The following ACYP2 variants were observed in gnomAD, a reference collection of about 807,000 sequenced individuals.
ACYP2 encodes the protein acylphosphatase-2.
In ACYP2, 12 loss-of-function variants were observed where a neutral mutation model predicts 11.2. The observed-to-expected ratio is 1.08, with a 90% confidence interval of 0.69 to 1.74. ACYP2 has a LOEUF of 1.74. Among genes scored for constraint, ACYP2 ranks in the 40% most tolerant of loss-of-function variants. The probability of loss-of-function intolerance (pLI) is 0.00; values close to 1 mark genes in which losing one functional copy is unlikely to be tolerated. For missense variants in ACYP2, 134 were observed against 101.9 expected (o/e 1.31, Z -1.35); for synonymous variants, 43 against 32.2 (o/e 1.33, Z -1.13).
intron 2 of ACYP2, among the ~76,000 whole-genome samples, chr2:53,983,442 G>C (rs1420711269): frequency 6.6e-6 from 1 of 152,146 alleles, no homozygotes; most frequent in Non-Finnish European, 1.5e-5. Flanking sequence ...GGAGATTGAG[G>C]CTGCAGCGAG....
intron 2 of ACYP2, among the ~76,000 whole-genome samples, chr2:54,014,157 G>A (rs987993590): frequency 1.1e-4 from 16 of 151,046 alleles, no homozygotes; most frequent in African/African-American, 1.9e-4. Context: ...AAAAAACTCC[G>A]TCTGAAAAAA....
chr2:54,221,816 C>A (rs950526837), intron 6 of ACYP2, among the ~76,000 whole-genome samples: 3 of 152,216 alleles, frequency 2.0e-5, no homozygotes, highest in Middle Eastern at 3.4e-3. Flanking sequence ...GCCACCACAC[C>A]CCGCCAGAAT....
intron 6 of ACYP2, among the ~76,000 whole-genome samples, chr2:54,198,812 T>C (rs1180580151): frequency 6.6e-6 from 1 of 152,174 alleles, no homozygotes; most frequent in Non-Finnish European, 1.5e-5. Flanking sequence ...AGTTCATACA[T>C]GCATATGTAC....
chr2:54,129,253 G>A (rs180922981), intron 4 of ACYP2, among the ~76,000 whole-genome samples: 68 of 152,116 alleles, frequency 4.5e-4, no homozygotes, highest in Non-Finnish European at 8.4e-4. Context: ...TGATTTTCAG[G>A]ATTTTAATCA....
At chr2:54,261,939 T>C (rs1173649896) in intron 6 of ACYP2, among the ~76,000 whole-genome samples, 1 of 152,248 alleles carries the variant, frequency 6.6e-6, no homozygotes, top group Non-Finnish European at 1.5e-5. Context: ...TGCAGTCGTC[T>C]TTATTGTATA....
intron 2 of ACYP2, among the ~76,000 whole-genome samples, chr2:54,045,339 C>G (rs1345940096): frequency 6.6e-6 from 1 of 152,204 alleles, no homozygotes. Flanking sequence ...CACCCTGCAA[C>G]CATTAAATTC....
In ACYP2 at chr2:54,142,216, C is replaced by G. The variant is rs562521394; in HGVS notation, c.404+3468C>G. ...AAAAATTGTGAAGATAGTACAGAGA[C>G]TTTCCATATACTCCCCACACAGTTT... On this transcript the variant is annotated intron_variant, in intron 6 of 6. Transcript: ENST00000607452. 3.5e-4 allele frequency: 99 copies of G among 282,036 alleles called. 1 individual carries two copies. Among genetic ancestry groups the G allele is most frequent in the African/African-American group, 1.9e-3 (89 of 46,168 alleles). 17.5% of individuals were successfully genotyped at this position (282,036 alleles called of 1,614,324 possible).
intron 1 of ACYP2, among the ~76,000 whole-genome samples, chr2:53,972,725 G>C (rs1052017889): frequency 1.3e-5 from 2 of 152,342 alleles, no homozygotes; most frequent in East Asian, 3.9e-4. Flanking sequence ...AGTTGAAATT[G>C]AGAGCTACTT....
chr2:54,086,017 C>T (rs972975795), intron 4 of ACYP2, among the ~76,000 whole-genome samples: 2 of 152,126 alleles, frequency 1.3e-5, no homozygotes, highest in African/African-American at 4.8e-5. Context: ...AGTCTCGGCT[C>T]ACTGCAACCT....
chr2:54,282,722 G>C (rs1336490051), intron 6 of ACYP2, among the ~76,000 whole-genome samples: 2 of 152,072 alleles, frequency 1.3e-5, no homozygotes, highest in African/African-American at 4.8e-5. Context: ...TTTTCTGATG[G>C]AAATTGTTTG....
intron 6 of ACYP2, among the ~76,000 whole-genome samples, chr2:54,159,239 G>A (rs1360721913): frequency 6.6e-6 from 1 of 151,884 alleles, no homozygotes; most frequent in African/African-American, 2.4e-5. Context: ...ACTCCAATAA[G>A]GTTCTAGAGC....
chr2:54,110,119 A>G, intron 4 of ACYP2, among the ~76,000 whole-genome samples: 1 of 152,168 alleles, frequency 6.6e-6, no homozygotes, highest in Non-Finnish European at 1.5e-5. Context: ...TTTTAATTTT[A>G]TTTTTAAACT....
At chr2:54,064,458 G>GC (rs1676633210) in intron 4 of ACYP2, among the ~76,000 whole-genome samples, 1 of 100,552 alleles carries the variant, frequency 9.9e-6, no homozygotes, top group Non-Finnish European at 2.0e-5. Flanking sequence ...GCTGCTGGGG[G>GC]CCATATCTTT....
chr2:54,141,274 T>C (rs1391919444), intron 6 of ACYP2, among the ~76,000 whole-genome samples: 1 of 152,232 alleles, frequency 6.6e-6, no homozygotes, highest in Non-Finnish European at 1.5e-5. Flanking sequence ...ATGATAGCTT[T>C]GCAACATAAA....
intron 4 of ACYP2, among the ~76,000 whole-genome samples, chr2:54,126,054 C>T (rs1204135492): frequency 6.6e-6 from 1 of 152,062 alleles, no homozygotes; most frequent in African/African-American, 2.4e-5. Context: ...GCACTCCAGC[C>T]TGGGCGACAG....
intron 5 of ACYP2, among the ~76,000 whole-genome samples, chr2:54,135,920 C>T (rs75270887): frequency 2.0e-4 from 30 of 152,250 alleles, no homozygotes; most frequent in Middle Eastern, 3.4e-3. Flanking sequence ...AGTTTGGAGA[C>T]GGAGTCTTAT....
intron 2 of ACYP2, among the ~76,000 whole-genome samples, chr2:53,991,829 TG>T (rs1291472473): frequency 2.0e-5 from 3 of 152,116 alleles, no homozygotes; most frequent in Non-Finnish European, 4.4e-5. Flanking sequence ...CTAAGTATGT[TG>T]TACAAGATGG....
intron 6 of ACYP2, among the ~76,000 whole-genome samples, chr2:54,300,912 G>A (rs1436411042): frequency 7.9e-5 from 12 of 152,158 alleles, no homozygotes; most frequent in African/African-American, 1.4e-4. Context: ...ACAGATGGTG[G>A]CTTATTCTTG....
intron 4 of ACYP2, among the ~76,000 whole-genome samples, chr2:54,096,398 A>G (rs1678583102): frequency 6.9e-6 from 1 of 143,986 alleles, no homozygotes. Context: ...ATGGATGGCC[A>G]GGCAGAGATG....
Sources: allele counts gnomAD v4.1 joint callset (sites outside exome capture counted in the v4.1 genomes callset), GRCh38; gene constraint gnomAD v4.1.1; transcripts MANE v1.5; gene names NCBI Gene and HGNC (gene_info 2026-07-23, HGNC 2026-07-21).